SCN8A: variants seen among roughly 807,000 people sequenced by gnomAD.
The protein encoded by SCN8A is sodium channel protein type 8 subunit alpha.
Under a neutral mutation model 184.1 loss-of-function variants are expected in SCN8A, and 30 were observed. The observed-to-expected ratio is 0.16, with a 90% CI of 0.12 to 0.22. The LOEUF (loss-of-function observed/expected upper bound fraction) is 0.22, where lower values mean the gene tolerates loss of function less well. SCN8A is among the 10% of genes least tolerant of loss of function. The pLI, the probability that SCN8A is intolerant of heterozygous loss-of-function variation, is 1.00. For missense variants in SCN8A, 1,057 were observed against 2,498.9 expected (o/e 0.42, Z 12.30); for synonymous variants, 852 against 907.0 (o/e 0.94, Z 1.09).
chr12:51,667,843 G>A (rs1941062314), intron 2 of SCN8A, among the ~76,000 whole-genome samples: 1 of 152,030 alleles, frequency 6.6e-6, no homozygotes, highest in African/African-American at 2.4e-5. Context: ...TAAATTACAA[G>A]ATTGATCAAT....
At chr12:51,662,651 T>C in intron 1 of SCN8A, 113 bp from the exon 2 acceptor site, 1 of 654,852 alleles carries the variant, frequency 1.5e-6, no homozygotes. Flanking sequence ...TGGAAGAAAC[T>C]ATGTGTTTTT....
chr12:51,681,524 T>C (rs1006874215), intron 2 of SCN8A, among the ~76,000 whole-genome samples: 2 of 152,226 alleles, frequency 1.3e-5, no homozygotes, highest in African/African-American at 4.8e-5. Context: ...CCTGGGCTGT[T>C]TGTTTCTTTG....
intron 1 of SCN8A, among the ~76,000 whole-genome samples, chr12:51,647,242 T>C (rs1940610849): frequency 6.6e-6 from 1 of 152,208 alleles, no homozygotes; most frequent in Non-Finnish European, 1.5e-5. Flanking sequence ...TATCTCCTGA[T>C]AGTTACTTAT....
At chr12:51,742,538 G>A (rs1942443591) in intron 12 of SCN8A, among the ~76,000 whole-genome samples, 1 of 150,344 alleles carries the variant, frequency 6.7e-6, no homozygotes, top group South Asian at 2.1e-4. Flanking sequence ...AGCCTGTAAG[G>A]TTTTTCACTG....
At position 51,721,862 on chromosome 12, in the gene SCN8A, T is replaced by TCATCGGCGGCCCCGGCTCCCA. The variant is rs768554772; in HGVS notation, c.1962_1982dup (p.Pro655_Gly661dup). Reference sequence around the variant, plus strand: ...GTGGACTGCAACGGCGTGGTGTCCCTCATCGGCGGCCCCGGCTCCCACATC... The same window carrying TCATCGGCGGCCCCGGCTCCCA: ...GTGGACTGCAACGGCGTGGTGTCCCTCATCGGCGGCCCCGGCTCCCACATCGGCGGCCCCGGCTCCCACATC... On this transcript the variant is annotated inframe_insertion, in exon 12 of 27. Coordinates refer to ENST00000627620, the MANE Select transcript of SCN8A (RefSeq NM_001330260.2). 4.4e-6 allele frequency: 7 copies of TCATCGGCGGCCCCGGCTCCCA among 1,602,790 alleles called. No individual in the cohort carries two copies. Among genetic ancestry groups the TCATCGGCGGCCCCGGCTCCCA allele is most frequent in the Non-Finnish European group, 5.1e-6 (6 of 1,179,808 alleles).
At chr12:51,595,906 C>T (rs1003201282) in intron 1 of SCN8A, among the ~76,000 whole-genome samples, 3 of 152,190 alleles carry the variant, frequency 2.0e-5, no homozygotes, top group Admixed American at 6.5e-5. Context: ...AAAAGTTTTA[C>T]TGTACAATTG....
chr12:51,637,743 G>A (rs547854805), intron 1 of SCN8A, among the ~76,000 whole-genome samples: 20 of 152,280 alleles, frequency 1.3e-4, no homozygotes, highest in Non-Finnish European at 2.6e-4. Flanking sequence ...AGGAGCAAGC[G>A]CTGATGGAGA....
At chr12:51,695,071 C>T (rs1033139131) in intron 6 of SCN8A, among the ~76,000 whole-genome samples, 8 of 152,098 alleles carry the variant, frequency 5.3e-5, no homozygotes, top group African/African-American at 1.2e-4. Flanking sequence ...AACATGAAGC[C>T]GCATCACCTT....
At chr12:51,802,548 C>T (rs57176195) in intron 26 of SCN8A, among the ~76,000 whole-genome samples, 13,710 of 152,188 alleles carry the variant, frequency 0.09, 1,016 homozygotes, top group East Asian at 0.37. Flanking sequence ...TCTGATTTTC[C>T]GCAAATTCAG....
chr12:51,611,060 A>G (rs1299034383), intron 1 of SCN8A, among the ~76,000 whole-genome samples: 1 of 152,210 alleles, frequency 6.6e-6, no homozygotes, highest in Admixed American at 6.5e-5. Flanking sequence ...TATCTTAACT[A>G]TATCAAATAT....
At chr12:51,608,402 G>A (rs1402900690) in intron 1 of SCN8A, among the ~76,000 whole-genome samples, 1 of 151,884 alleles carries the variant, frequency 6.6e-6, no homozygotes, top group East Asian at 1.9e-4. Context: ...TTAAATTACT[G>A]TTTCAGTCTT....
At chr12:51,739,778 G>A (rs1248357650) in intron 12 of SCN8A, among the ~76,000 whole-genome samples, 1 of 152,166 alleles carries the variant, frequency 6.6e-6, no homozygotes, top group African/African-American at 2.4e-5. Context: ...AGCTCGGTCA[G>A]GGAGACCCTA....
chr12:51,735,904 T>C (rs1942318131), intron 12 of SCN8A, among the ~76,000 whole-genome samples: 1 of 152,230 alleles, frequency 6.6e-6, no homozygotes. Context: ...TCGCACCTTT[T>C]TGTTATTGGC....
chr12:51,686,762 GT>G lies in SCN8A; in HGVS notation c.485+311del, dbSNP rs142597756. ...GTTTTCTCCAATTTTAGGTTTCCCT[GT>G]TTTTTGACTTCTCTAAGGTTAAAAA... On this transcript the variant is annotated intron_variant, in intron 4 of 26. Coordinates refer to ENST00000627620, the MANE Select transcript of SCN8A (RefSeq NM_001330260.2). 5.5e-3 allele frequency among the ~76,000 whole-genome samples: 836 copies of G among 152,098 alleles called. 4 individuals are homozygous for G. The highest frequency in any genetic ancestry group is 0.019 in the African/African-American group (776 of 41,496).
chr12:51,687,455 G>A (rs1203889227), intron 5 of SCN8A, among the ~76,000 whole-genome samples: 1 of 152,142 alleles, frequency 6.6e-6, no homozygotes, highest in Non-Finnish European at 1.5e-5. Context: ...TTACAGCTGG[G>A]AGAGAAAGGA....
chr12:51,667,908 G>T (rs1400192633), intron 2 of SCN8A, among the ~76,000 whole-genome samples: 11 of 152,160 alleles, frequency 7.2e-5, no homozygotes, highest in African/African-American at 2.2e-4. Flanking sequence ...ATATGGCCGG[G>T]CGTGGTGGTT....
intron 21 of SCN8A, among the ~76,000 whole-genome samples, chr12:51,784,166 A>T (rs1938009362): frequency 6.6e-6 from 1 of 152,228 alleles, no homozygotes; most frequent in Non-Finnish European, 1.5e-5. Context: ...CAGCACAATG[A>T]TCATTACATA....
At chr12:51,782,490 C>G (rs1205442285) in intron 21 of SCN8A, among the ~76,000 whole-genome samples, 2 of 152,202 alleles carry the variant, frequency 1.3e-5, no homozygotes, top group Non-Finnish European at 2.9e-5. Flanking sequence ...GGACAAGATG[C>G]AACCAAAAAA....
intron 26 of SCN8A, among the ~76,000 whole-genome samples, chr12:51,800,653 C>T (rs957280510): frequency 5.3e-5 from 8 of 152,134 alleles, no homozygotes; most frequent in African/African-American, 1.7e-4. Context: ...AGGATGAATC[C>T]GGGACCCACT....
Sources: allele counts gnomAD v4.1 joint callset (sites outside exome capture counted in the v4.1 genomes callset), GRCh38; gene constraint gnomAD v4.1.1; transcripts MANE v1.5; gene names NCBI Gene and HGNC (gene_info 2026-07-23, HGNC 2026-07-21).